SMURF2: variants seen among roughly 807,000 people sequenced by gnomAD.
SMURF2 encodes the protein E3 ubiquitin-protein ligase SMURF2.
SMURF2 carries 48 observed loss-of-function variants against 109.6 expected under a neutral mutation model. That is an observed-to-expected ratio of 0.44 (90% confidence interval 0.35 to 0.56). SMURF2 has a LOEUF of 0.56. Ranked by LOEUF, SMURF2 falls within the 20% of genes least tolerant of loss-of-function variation. The probability of loss-of-function intolerance (pLI) is 0.01; values close to 1 mark genes in which losing one functional copy is unlikely to be tolerated. For synonymous variants in SMURF2, 288 were observed against 317.1 expected (o/e 0.91, Z 0.97); for missense variants, 575 against 909.0 (o/e 0.63, Z 4.72).
chr17:64,571,414 A>ATTTTT (rs10678942), intron 10 of SMURF2, among the ~76,000 whole-genome samples: 12,810 of 151,938 alleles, frequency 0.084, 802 homozygotes, highest in African/African-American at 0.16. Flanking sequence ...ATGTTCTTTC[A>ATTTTT]TTTTTTAAGA....
At chr17:64,652,003 C>T (rs538710070) in intron 1 of SMURF2, among the ~76,000 whole-genome samples, 18 of 152,192 alleles carry the variant, frequency 1.2e-4, no homozygotes, top group Non-Finnish European at 2.4e-4. Flanking sequence ...TCTATGGTCA[C>T]ATTTTAGATA....
intron 3 of SMURF2, among the ~76,000 whole-genome samples, chr17:64,598,072 T>A (rs537207348): frequency 4.6e-5 from 7 of 152,230 alleles, no homozygotes; most frequent in African/African-American, 1.7e-4. Flanking sequence ...GCAACCCAAA[T>A]CCTTATTTCT....
intron 1 of SMURF2, among the ~76,000 whole-genome samples, chr17:64,622,983 ACTT>A (rs1970224674): frequency 6.6e-6 from 1 of 152,156 alleles, no homozygotes; most frequent in Admixed American, 6.5e-5. Context: ...ATCCAATACT[ACTT>A]TATTTTATTG....
At chr17:64,623,125 T>C (rs1970226189) in intron 1 of SMURF2, among the ~76,000 whole-genome samples, 1 of 152,134 alleles carries the variant, frequency 6.6e-6, no homozygotes, top group Non-Finnish European at 1.5e-5. Flanking sequence ...TAGGCTCATT[T>C]AAGTTCCCTA....
At chr17:64,596,626 A>G (rs1358021031) in intron 3 of SMURF2, among the ~76,000 whole-genome samples, 1 of 150,290 alleles carries the variant, frequency 6.7e-6, no homozygotes, top group African/African-American at 2.4e-5. Context: ...CACTAAACCT[A>G]GAAGAGACAA....
At chr17:64,659,255 A>G (rs1970743675) in intron 1 of SMURF2, among the ~76,000 whole-genome samples, 1 of 152,244 alleles carries the variant, frequency 6.6e-6, no homozygotes, top group South Asian at 2.1e-4. Flanking sequence ...TCAAGTAACT[A>G]AAGTTTATAC....
chr17:64,589,472 C>T (rs1479386828), intron 5 of SMURF2, among the ~76,000 whole-genome samples: 4 of 146,772 alleles, frequency 2.7e-5, no homozygotes, highest in Non-Finnish European at 6.1e-5. Flanking sequence ...TCAGGAATCC[C>T]CAACCCCCAG....
At chr17:64,566,561 G>GTTTGTTTTTTTTTTTTTTTTTTTTTT (rs1969305868) in intron 10 of SMURF2, among the ~76,000 whole-genome samples, 1 of 43,784 alleles carries the variant, frequency 2.3e-5, no homozygotes. Flanking sequence ...AAGCTTTCTG[G>GTTTGTTTTTTTTTTTTTTTTTTTTTT]TTTTTTTTTT....
Position 64,661,898 on chromosome 17 carries a change from CGGCGGGG to C in SMURF2, c.-25_-19del. On this transcript the variant is annotated 5_prime_UTR_variant, in exon 1 of 19. Transcript: ENST00000262435. Reference sequence around the variant, plus strand: ...TTAGACATGTCCCCGGCGGCGGGGGCGGCGGGGGCGGCGGGCGGCACGGGGGCGACGG... The same window carrying C: ...TTAGACATGTCCCCGGCGGCGGGGGCGCGGCGGGCGGCACGGGGGCGACGG... 2 of 1,183,438 alleles carry C rather than the reference CGGCGGGG, an allele frequency of 1.7e-6. No individual in the cohort carries two copies. The highest frequency in any genetic ancestry group is 2.1e-6 in the Non-Finnish European group (2 of 957,350). 73.3% of individuals were successfully genotyped at this position (1,183,438 alleles called of 1,614,324 possible). A position where few individuals can be genotyped will look rare whatever the true frequency, so the allele number is the denominator to read the frequency against.
intron 2 of SMURF2, among the ~76,000 whole-genome samples, chr17:64,599,802 G>A (rs1274199095): frequency 1.3e-5 from 2 of 152,192 alleles, no homozygotes; most frequent in Non-Finnish European, 2.9e-5. Flanking sequence ...GCCGAAGGTT[G>A]GGGGCTGCTG....
At chr17:64,592,765 C>A (rs560780487) in intron 4 of SMURF2, among the ~76,000 whole-genome samples, 1 of 152,178 alleles carries the variant, frequency 6.6e-6, no homozygotes, top group African/African-American at 2.4e-5. Flanking sequence ...AAAGACTCAC[C>A]TGGTTATGCT....
intron 16 of SMURF2, among the ~76,000 whole-genome samples, chr17:64,548,772 A>G (rs1968994538): frequency 6.6e-6 from 1 of 152,300 alleles, no homozygotes; most frequent in South Asian, 2.1e-4. Flanking sequence ...ACACATCCTG[A>G]TGGAGGGTCA....
At chr17:64,633,053 T>C (rs782321056) in intron 1 of SMURF2, among the ~76,000 whole-genome samples, 19 of 152,180 alleles carry the variant, frequency 1.2e-4, no homozygotes, top group Non-Finnish European at 2.6e-4. Context: ...GGGAGATAGC[T>C]TGAGCCCAGA....
chr17:64,555,272 T>G (rs546396782), intron 14 of SMURF2, among the ~76,000 whole-genome samples: 2 of 152,214 alleles, frequency 1.3e-5, no homozygotes, highest in African/African-American at 2.4e-5. Flanking sequence ...TCAGTTACAT[T>G]TGGCATTCTG....
chr17:64,577,347 T>G (rs1192072944), intron 9 of SMURF2, among the ~76,000 whole-genome samples: 2 of 150,466 alleles, frequency 1.3e-5, no homozygotes, highest in Non-Finnish European at 1.5e-5. Context: ...AGGTGGGAAT[T>G]GAACAATGAG....
chr17:64,583,435 A>T, intron 7 of SMURF2, 26 bp downstream of exon 7: 1 of 1,577,246 alleles, frequency 6.3e-7, no homozygotes, highest in Non-Finnish European at 8.7e-7. Context: ...GGCATAGATC[A>T]TGAGAAAATA....
intron 1 of SMURF2, among the ~76,000 whole-genome samples, chr17:64,607,188 A>G (rs554323216): frequency 1.3e-5 from 2 of 151,980 alleles, no homozygotes; most frequent in East Asian, 1.9e-4. Flanking sequence ...TATGTCTACT[A>G]TATCTTTTAA....
At chr17:64,628,605 A>C (rs1186584849) in intron 1 of SMURF2, among the ~76,000 whole-genome samples, 1 of 152,200 alleles carries the variant, frequency 6.6e-6, no homozygotes, top group African/African-American at 2.4e-5. Flanking sequence ...TTACACTCCC[A>C]CAATGCCTTA....
chr17:64,553,250 T>C (rs1555683761), intron 15 of SMURF2, among the ~76,000 whole-genome samples: 1 of 152,002 alleles, frequency 6.6e-6, no homozygotes, highest in Non-Finnish European at 1.5e-5. Context: ...CTTACACCTG[T>C]AATCCCAGCA....
Sources: allele counts gnomAD v4.1 joint callset (sites outside exome capture counted in the v4.1 genomes callset), GRCh38; gene constraint gnomAD v4.1.1; transcripts MANE v1.5; gene names NCBI Gene and HGNC (gene_info 2026-07-23, HGNC 2026-07-21).